CHRNB4: variants seen among roughly 807,000 people sequenced by gnomAD.
CHRNB4 encodes the protein neuronal acetylcholine receptor subunit beta-4.
In CHRNB4, 23 loss-of-function variants were observed where a neutral mutation model predicts 40.4. That is an observed-to-expected ratio of 0.57 (90% confidence interval 0.41 to 0.81). The LOEUF is 0.81. Among genes scored for constraint, CHRNB4 ranks in the 30% least tolerant of loss-of-function variants. The probability of loss-of-function intolerance (pLI) is 0.00; values close to 1 mark genes in which losing one functional copy is unlikely to be tolerated. For synonymous variants in CHRNB4, 285 were observed against 274.4 expected (o/e 1.04, Z -0.38); for missense variants, 568 against 670.6 (o/e 0.85, Z 1.69).
chr15:78,647,117 G>A (rs1272809048), intron 7 of CHRNB4, among the ~76,000 whole-genome samples: 1 of 152,166 alleles, frequency 6.6e-6, no homozygotes, highest in Non-Finnish European at 1.5e-5. Context: ...TCCTGCCTGG[G>A]CAACAAAGTG....
chr15:78,645,517 G>A (rs1284784999), upstream of CHRNB4, among the ~76,000 whole-genome samples: 3 of 152,078 alleles, frequency 2.0e-5, no homozygotes, highest in African/African-American at 7.2e-5. Flanking sequence ...GGAGTTGGTG[G>A]ATAAATACCA....
At chr15:78,657,636 C>A (rs1020160123) in intron 2 of CHRNB4, among the ~76,000 whole-genome samples, 2 of 148,360 alleles carry the variant, frequency 1.3e-5, no homozygotes, top group East Asian at 4.0e-4. Flanking sequence ...TCACTGCAAG[C>A]TCAGCCTCCC....
chr15:78,632,466 C>A (rs1277112895), intron 2 of CHRNB4, among the ~76,000 whole-genome samples: 2 of 151,966 alleles, frequency 1.3e-5, no homozygotes, highest in Non-Finnish European at 2.9e-5. Context: ...GGCCACCATA[C>A]CTGGCTAAAT....
At chr15:78,641,344 C>G (rs1428931325), upstream of CHRNB4, 2 of 478,984 alleles carry the variant, frequency 4.2e-6, no homozygotes, top group Middle Eastern at 5.3e-4. Context: ...CCTGGGTGGT[C>G]TGGACCCCAC....
intron 1 of CHRNB4, among the ~76,000 whole-genome samples, chr15:78,659,468 G>A (rs1348131176): frequency 6.6e-6 from 1 of 152,140 alleles, no homozygotes; most frequent in African/African-American, 2.4e-5. Context: ...GATAACTGCT[G>A]CTTGTGGTGG....
At chr15:78,639,685 C>A (rs1296547050) in intron 1 of CHRNB4, among the ~76,000 whole-genome samples, 2 of 152,160 alleles carry the variant, frequency 1.3e-5, no homozygotes, top group African/African-American at 4.8e-5. Context: ...GTATTAATCA[C>A]CTGGATTCCT....
chr15:78,660,906 T>C, upstream of CHRNB4: 1 of 373,942 alleles, frequency 2.7e-6, no homozygotes, highest in Non-Finnish European at 5.1e-6. Context: ...AACTTTCACG[T>C]GCACACAATT....
chr15:78,641,244 G>A (rs900865896), upstream of CHRNB4: 17 of 1,023,100 alleles, frequency 1.7e-5, no homozygotes, highest in Admixed American at 8.0e-5. Context: ...GTTTGCTGGC[G>A]GGGCGGCGCT....
intron 2 of CHRNB4, among the ~76,000 whole-genome samples, chr15:78,632,647 A>G (rs1271304037): frequency 6.6e-6 from 1 of 151,928 alleles, no homozygotes; most frequent in African/African-American, 2.4e-5. Flanking sequence ...TCACCCCTAA[A>G]CACCATCTAT....
At position 78,629,603 on chromosome 15, in the gene CHRNB4, G is replaced by T; in HGVS notation, c.702C>A (p.Phe234Leu). Residue 234 changes from phenylalanine (F) to leucine (L), a missense_variant, in exon 5 of 6, where the codon TTC becomes TTA. Coordinates refer to ENST00000261751, the MANE Select transcript of CHRNB4 (RefSeq NM_000750.5). This position sits in a 1 kb window ranked among gnomAD's most constrained non-coding sequence, Gnocchi z 6.8. ...YDFIIKRKPLFYTINLIIPCV... is the reference protein window; with the variant it reads ...YDFIIKRKPLLYTINLIIPCV... Reference sequence around the variant, plus strand: ...AGGGGATGATGAGGTTGATGGTGTAGAACAGAGGCTTGCGCTTGATGATGA... The same window carrying T: ...AGGGGATGATGAGGTTGATGGTGTATAACAGAGGCTTGCGCTTGATGATGA... 6.2e-7 allele frequency: 1 copy of T among 1,614,156 alleles called. No homozygotes were observed. The highest frequency in any genetic ancestry group is 8.5e-7 in the Non-Finnish European group (1 of 1,180,022).
upstream of CHRNB4, among the ~76,000 whole-genome samples, chr15:78,644,430 A>G (rs2054107040): frequency 6.6e-6 from 1 of 151,846 alleles, no homozygotes; most frequent in Admixed American, 6.6e-5. Flanking sequence ...GCTGCATGAG[A>G]ACATAGCATT....
At chr15:78,660,888 G>A (rs145256679), upstream of CHRNB4, 1,451 of 367,818 alleles carry the variant, frequency 3.9e-3, 10 homozygotes, top group Middle Eastern at 5.6e-3. Flanking sequence ...TGGGATCCTG[G>A]CTTCTCAAAC....
intron 6 of CHRNB4, chr15:78,649,486 A>G (rs1428807492): frequency 9.1e-6 from 4 of 437,236 alleles, no homozygotes; most frequent in African/African-American, 8.2e-5. Context: ...AAAAAACAAA[A>G]CAAAATAAAA....
At chr15:78,649,650 T>C (rs2054155228) in intron 6 of CHRNB4, among the ~76,000 whole-genome samples, 1 of 152,202 alleles carries the variant, frequency 6.6e-6, no homozygotes, top group Non-Finnish European at 1.5e-5. Context: ...CAAAAAAGTT[T>C]TGAATATGTA....
intron 1 of CHRNB4, among the ~76,000 whole-genome samples, chr15:78,637,657 C>G (rs536084940): frequency 6.6e-5 from 10 of 152,202 alleles, no homozygotes; most frequent in African/African-American, 2.2e-4. Context: ...TTAGGCAGGC[C>G]TGAGGTGGAC....
chr15:78,634,586 C>G, intron 2 of CHRNB4: 1 of 404,604 alleles, frequency 2.5e-6, no homozygotes, highest in East Asian at 7.1e-5. Flanking sequence ...GCCAACCGTG[C>G]TAGAGAGAGA....
intron 1 of CHRNB4, 53 bp downstream of exon 1, chr15:78,641,026 C>G: frequency 1.3e-6 from 2 of 1,537,636 alleles, no homozygotes; most frequent in Non-Finnish European, 1.8e-6. Flanking sequence ...GCCAGTCCAG[C>G]CCCTTTCAGC....
At chr15:78,628,616 C>T (rs2053716873) in intron 5 of CHRNB4, among the ~76,000 whole-genome samples, 1 of 152,142 alleles carries the variant, frequency 6.6e-6, no homozygotes, top group Admixed American at 6.5e-5. Context: ...GTCCCGGGTA[C>T]CCACGGCAGT....
At chr15:78,634,940 A>G (rs1170855930) in intron 2 of CHRNB4, among the ~76,000 whole-genome samples, 1 of 152,152 alleles carries the variant, frequency 6.6e-6, no homozygotes, top group Admixed American at 6.5e-5. Context: ...TGCCTGCAGC[A>G]GCCACGCCCA....
Sources: allele counts gnomAD v4.1 joint callset (sites outside exome capture counted in the v4.1 genomes callset), GRCh38; gene constraint gnomAD v4.1.1; non-coding constraint Gnocchi (gnomAD v3.1); transcripts MANE v1.5; gene names NCBI Gene and HGNC (gene_info 2026-07-23, HGNC 2026-07-21).